FAM111B: variants seen among roughly 807,000 people sequenced by gnomAD.
FAM111B encodes serine protease FAM111B.
In FAM111B, 1 loss-of-function variant was observed where a neutral mutation model predicts 2.8. The ratio of observed to expected loss-of-function variants is 0.36; its 90% confidence interval spans 0.13 to 1.70. The LOEUF (loss-of-function observed/expected upper bound fraction) is 1.70. Ranked by LOEUF, FAM111B falls within the 40% of genes most tolerant of loss-of-function variation. FAM111B has a pLI of 0.35. For synonymous variants in FAM111B, 297 were observed against 295.6 expected, an observed-to-expected ratio of 1.00 and a Z score of -0.05; for missense variants, 882 against 878.9, an observed-to-expected ratio of 1.00 and a Z score of -0.04.
At chr11:59,110,550 T>C (rs73489478) in intron 3 of FAM111B, among the ~76,000 whole-genome samples, 2,058 of 152,272 alleles carry the variant, frequency 0.014, 41 homozygotes, top group African/African-American at 0.047. Context: ...TTAAGTGTTC[T>C]AATTACAAAA....
chr11:59,126,547 A>C lies in FAM111B; in HGVS notation c.*245A>C, dbSNP rs1860039344. The C allele has an allele frequency of 1.2e-5, 4 of 333,690 alleles. No individual in the cohort carries two copies. Among genetic ancestry groups the C allele is most frequent in the Non-Finnish European group, 1.6e-5 (3 of 185,624 alleles). The allele number at this position is 333,690 out of a possible 1,614,324, so 20.7% of individuals were successfully genotyped here. A position where few individuals can be genotyped will look rare whatever the true frequency, so the allele number is the denominator to read the frequency against. ...AATCCATTAGGAACTTAAACAGATT[A>C]ACAAGCAAAAAAAACAAGCAACCCC... On this transcript the variant is annotated 3_prime_UTR_variant, in exon 4 of 4. Transcript: ENST00000343597.
intron 3 of FAM111B, among the ~76,000 whole-genome samples, chr11:59,115,770 A>G (rs1020362896): frequency 6.6e-6 from 1 of 152,234 alleles, no homozygotes; most frequent in Non-Finnish European, 1.5e-5. Context: ...TTTTCACATT[A>G]TAATGAGGCA....
chr11:59,119,733 A>G (rs932950812), intron 3 of FAM111B, among the ~76,000 whole-genome samples: 3 of 152,244 alleles, frequency 2.0e-5, no homozygotes, highest in Admixed American at 6.5e-5. Context: ...ATGAATCATT[A>G]TAAGTATTTC....
chr11:59,124,833 C>G lies in FAM111B; in HGVS notation c.736C>G (p.His246Asp), dbSNP rs774368257. The G allele has an allele frequency of 3.7e-6, 6 of 1,612,738 alleles. No homozygotes were observed. The Admixed American group carries it at 1.0e-4, about 27-fold the overall frequency. The part of the protein sequence containing the change: ...GEFEWKLKEG[H>D]KKIYGKQSMV... ...ATTTGAATGGAAACTAAAGGAAGGT[C>G]ATAAGAAAATTTATGGAAAACAGTC... Residue 246 changes from histidine to aspartate, a missense_variant, in exon 4 of 4, where the codon CAT (histidine) becomes GAT (aspartate). Transcript: ENST00000343597.
chr11:59,116,167 C>T (rs1859838680), intron 3 of FAM111B, among the ~76,000 whole-genome samples: 1 of 152,170 alleles, frequency 6.6e-6, no homozygotes, highest in Non-Finnish European at 1.5e-5. Flanking sequence ...TCAGATTCCA[C>T]CTAGACTCTT....
At chr11:59,110,329 T>A (rs1183168977) in intron 3 of FAM111B, among the ~76,000 whole-genome samples, 1 of 152,196 alleles carries the variant, frequency 6.6e-6, no homozygotes, top group East Asian at 1.9e-4. Flanking sequence ...GAGAAATGAT[T>A]TATTAATGAA....
chr11:59,107,919 C>A (rs1473226380), intron 1 of FAM111B, among the ~76,000 whole-genome samples: 2 of 152,146 alleles, frequency 1.3e-5, no homozygotes, highest in African/African-American at 2.4e-5. Flanking sequence ...TTACTGACAT[C>A]CAGTCTCTGT....
chr11:59,109,412 G>A (rs1363900603), intron 2 of FAM111B, 128 bp from the exon 3 acceptor site: 1 of 385,128 alleles, frequency 2.6e-6, no homozygotes, highest in Non-Finnish European at 4.7e-6. Flanking sequence ...CATACAGTAA[G>A]CTAAATAGCC....
intron 3 of FAM111B, among the ~76,000 whole-genome samples, chr11:59,114,783 GA>G (rs1273672464): frequency 1.3e-5 from 2 of 152,186 alleles, no homozygotes; most frequent in African/African-American, 4.8e-5. Context: ...TGTAGAGGGA[GA>G]AAGGAAAAAT....
Position 59,124,902 on chromosome 11 carries a change from TC to T in FAM111B, c.806del (p.Ser269Ter). The T allele has an allele frequency of 6.3e-7, 1 of 1,591,214 alleles. No homozygotes were observed. Among genetic ancestry groups the T allele is most frequent in the Non-Finnish European group, 8.5e-7 (1 of 1,173,612 alleles). On this transcript the variant is annotated frameshift_variant, in exon 4 of 4. Coordinates refer to ENST00000343597, the MANE Select transcript of FAM111B (RefSeq NM_198947.4). LOFTEE classifies it low-confidence loss of function (END_TRUNC). ...VSGKVLEMDI[S>X]KKKALQQKDI... Reference sequence around the variant, plus strand: ...TGGAAAAGTCTTAGAAATGGACATTTCAAAAAAAAAAGCATTACAACAGAAA... The same window carrying T: ...TGGAAAAGTCTTAGAAATGGACATTTAAAAAAAAAAGCATTACAACAGAAA...
chr11:59,114,126 A>G (rs1859805399), intron 3 of FAM111B, among the ~76,000 whole-genome samples: 1 of 152,360 alleles, frequency 6.6e-6, no homozygotes, highest in African/African-American at 2.4e-5. Flanking sequence ...AGGCCTCTGA[A>G]GTGGCCCTGA....
intron 3 of FAM111B, among the ~76,000 whole-genome samples, chr11:59,123,087 A>C (rs1216715897): frequency 6.6e-6 from 1 of 152,160 alleles, no homozygotes; most frequent in Non-Finnish European, 1.5e-5. Context: ...ATTGTATATG[A>C]GTATTTATAT....
rs751851641 is a variant in FAM111B at position 59,124,290 on chromosome 11, A to G, written c.193A>G (p.Thr65Ala). The change falls in exon 4 of 4, where the codon ACA becomes GCA. Residue 65 changes from threonine to alanine, a missense_variant. Thr to Ala is a moderately conservative substitution (Grantham distance 58). Transcript: ENST00000343597. ...KLKSEVNKHE[T>A]ALEMQNPNLN... ...TAAAAGTGAAGTCAACAAGCATGAA[A>G]CAGCCCTTGAAATGCAGAATCCAAA... is the stretch of plus-strand genomic sequence containing the variant. 1.9e-6 allele frequency: 3 copies of G among 1,613,762 alleles called. No homozygotes were observed. The Admixed American group carries it at 5.0e-5, about 27-fold the overall frequency.
At chr11:59,115,372 C>T (rs897072207) in intron 3 of FAM111B, among the ~76,000 whole-genome samples, 1 of 152,310 alleles carries the variant, frequency 6.6e-6, no homozygotes, top group African/African-American at 2.4e-5. Context: ...CTGCAGGTCC[C>T]ACCCTGTCAT....
chr11:59,120,810 T>C (rs1233422347), intron 3 of FAM111B, among the ~76,000 whole-genome samples: 2 of 152,206 alleles, frequency 1.3e-5, no homozygotes, highest in Non-Finnish European at 2.9e-5. Flanking sequence ...CATATCCAAA[T>C]AAGTATCACA....
At position 59,124,569 on chromosome 11, in the gene FAM111B, A is replaced by G. The variant is rs1414214387; in HGVS notation, c.472A>G (p.Ile158Val). 4 of 1,613,512 alleles carry G rather than the reference A, an allele frequency of 2.5e-6. No individual in the cohort carries two copies. Among genetic ancestry groups the G allele is most frequent in the Non-Finnish European group, 3.4e-6 (4 of 1,179,688 alleles). Residue 158 changes from isoleucine (I) to valine (V), a missense_variant, in exon 4 of 4, where the codon ATT (isoleucine) becomes GTT (valine). Coordinates refer to ENST00000343597, the MANE Select transcript of FAM111B (RefSeq NM_198947.4). ...CCTGCCTAGTGATTCTCATTTTAAA[A>G]TTACATTTGGTCAAAGAAAGAGTAG... ...KCLPSDSHFK[I>V]TFGQRKSSKE...
chr11:59,119,901 T>G (rs541688347), intron 3 of FAM111B, among the ~76,000 whole-genome samples: 5 of 152,284 alleles, frequency 3.3e-5, no homozygotes, highest in African/African-American at 1.2e-4. Context: ...TCATGAAATA[T>G]CCACAGATGG....
At chr11:59,114,939 TGAG>T (rs1270250183) in intron 3 of FAM111B, among the ~76,000 whole-genome samples, 3 of 151,584 alleles carry the variant, frequency 2.0e-5, no homozygotes. Context: ...CTGAAAGGAG[TGAG>T]GAGGTGAGTC....
chr11:59,123,555 G>T (rs1859956379), intron 3 of FAM111B, among the ~76,000 whole-genome samples: 1 of 152,178 alleles, frequency 6.6e-6, no homozygotes, highest in Admixed American at 6.5e-5. Flanking sequence ...TGTTATGTTT[G>T]TAGGAAGTTT....
Sources: gnomAD v4.1 joint callset for allele counts (sites outside exome capture counted in the v4.1 genomes callset) on GRCh38, gnomAD v4.1.1 for gene constraint, MANE v1.5 for transcripts, NCBI Gene and HGNC (gene_info 2026-07-23, HGNC 2026-07-21) for gene names.